The following SNX29 variants were observed in gnomAD, a reference collection of about 807,000 sequenced individuals.
SNX29 encodes the protein sorting nexin-29.
In SNX29, 78 loss-of-function variants were observed where a neutral mutation model predicts 102.1. The observed-to-expected ratio is 0.76, with a 90% confidence interval of 0.64 to 0.92. The LOEUF is 0.92. SNX29 is among the 40% of genes least tolerant of loss of function. SNX29 has a pLI of 0.00. For missense variants in SNX29, 1,280 were observed against 1,061.7 expected (o/e 1.21, Z -2.86); for synonymous variants, 580 against 414.5 (o/e 1.40, Z -4.85).
At chr16:12,554,317 A>C (rs2141380541) in intron 20 of SNX29, among the ~76,000 whole-genome samples, 1 of 152,324 alleles carries the variant, frequency 6.6e-6, no homozygotes, top group Admixed American at 6.5e-5. Context: ...GTTTTAACTA[A>C]AATGGGACCA....
intron 18 of SNX29, 86 bp downstream of exon 18, chr16:12,403,615 G>A: frequency 7.7e-7 from 1 of 1,305,420 alleles, no homozygotes; most frequent in Non-Finnish European, 1.1e-6. Context: ...CCTCTTGGTG[G>A]TGGGGCGCTA....
At chr16:12,341,543 T>C (rs142922462) in intron 15 of SNX29, among the ~76,000 whole-genome samples, 2 of 152,366 alleles carry the variant, frequency 1.3e-5, no homozygotes, top group Non-Finnish European at 2.9e-5. Context: ...TTATTTCCTG[T>C]TCGTATGTGT....
At chr16:12,568,235 A>C (rs1043719817) in intron 20 of SNX29, among the ~76,000 whole-genome samples, 1 of 150,344 alleles carries the variant, frequency 6.7e-6, no homozygotes, top group Non-Finnish European at 1.5e-5. Flanking sequence ...TAAAATGTAG[A>C]CCGGAACGGT....
intron 18 of SNX29, among the ~76,000 whole-genome samples, chr16:12,459,203 G>A (rs1415241527): frequency 6.9e-6 from 1 of 144,984 alleles, no homozygotes; most frequent in Non-Finnish European, 1.5e-5. Flanking sequence ...CTTAGGTTCT[G>A]CGTCTCTGTA....
intron 19 of SNX29, among the ~76,000 whole-genome samples, chr16:12,514,944 GAAAGAAA>G (rs762046155): frequency 4.0e-5 from 6 of 150,836 alleles, no homozygotes; most frequent in Admixed American, 1.3e-4. Flanking sequence ...AAGAAAGAGA[GAAAGAAA>G]GAAAAAAGCC....
chr16:12,388,469 A>T (rs1212615584), intron 16 of SNX29, among the ~76,000 whole-genome samples: 1 of 152,222 alleles, frequency 6.6e-6, no homozygotes, highest in South Asian at 2.1e-4. Context: ...CTCCCTACCT[A>T]GACAAATGAG....
chr16:12,049,502 T>C (rs1270839618), intron 7 of SNX29, among the ~76,000 whole-genome samples: 1 of 152,066 alleles, frequency 6.6e-6, no homozygotes, highest in African/African-American at 2.4e-5. Flanking sequence ...GTGGTTTCTT[T>C]TTGTATTTTT....
At position 12,512,369 on chromosome 16, in the gene SNX29, AATATATATATATATATATATATATAT is replaced by A. The variant is rs58157322; in HGVS notation, c.2179-12309_2179-12284del. 5.7e-4 allele frequency among the ~76,000 whole-genome samples: 25 copies of A among 43,938 alleles called. 1 individual carries two copies. The highest frequency in any genetic ancestry group is 0.013 in the Middle Eastern group (1 of 76). The allele number at this position is 43,938 out of a possible 152,430, so 28.8% of individuals were successfully genotyped here. On this transcript the variant is annotated intron_variant, in intron 19 of 20. Transcript: ENST00000566228. ...CGTCCATCATGGAAGGCCCAGGGAAAATATATATATATATATATATATATATATATATATATATATATATATATAGT... is the reference window on the plus strand; with the variant it reads ...CGTCCATCATGGAAGGCCCAGGGAAAATATATATATATATATATATATAGT...
intron 18 of SNX29, among the ~76,000 whole-genome samples, chr16:12,470,871 T>G (rs2087304153): frequency 6.6e-6 from 1 of 152,228 alleles, no homozygotes; most frequent in Non-Finnish European, 1.5e-5. Context: ...CATTGCTTAT[T>G]GCCTGCCAGG....
At position 12,485,116 on chromosome 16, in the gene SNX29, T is replaced by A. The variant is rs1344598014; in HGVS notation, c.2178+7257T>A. Reference sequence around the variant, plus strand: ...ATTCCAAAAGTGAGTACATAAACTTTCAAGGTGACTCGGGAGGTTGTTCTC... The same window carrying A: ...ATTCCAAAAGTGAGTACATAAACTTACAAGGTGACTCGGGAGGTTGTTCTC... On this transcript the variant is annotated intron_variant, in intron 19 of 20. Coordinates refer to ENST00000566228, the MANE Select transcript of SNX29 (RefSeq NM_032167.5). Among the ~76,000 whole-genome samples the A allele has an allele frequency of 2.0e-5, 3 of 152,236 alleles. No homozygotes were observed. In the East Asian group the frequency reaches 5.8e-4, roughly 29 times the overall value.
intron 3 of SNX29, among the ~76,000 whole-genome samples, chr16:12,023,493 G>A (rs1188123680): frequency 2.7e-5 from 4 of 149,742 alleles, no homozygotes; most frequent in South Asian, 4.2e-4. Context: ...TGGGAGGATC[G>A]TTTGAGCCTG....
intron 13 of SNX29, among the ~76,000 whole-genome samples, chr16:12,196,846 C>G (rs1039364518): frequency 1.3e-5 from 2 of 152,176 alleles, no homozygotes; most frequent in African/African-American, 4.8e-5. Flanking sequence ...ATCTCAAACT[C>G]TTGGCCTCAC....
intron 1 of SNX29, among the ~76,000 whole-genome samples, chr16:11,981,355 C>T (rs1388063308): frequency 2.0e-5 from 3 of 152,064 alleles, no homozygotes; most frequent in African/African-American, 7.2e-5. Flanking sequence ...CTGCCTGCCT[C>T]AGCCTCCCAA....
At chr16:12,131,563 C>T (rs1168334796) in intron 13 of SNX29, among the ~76,000 whole-genome samples, 2 of 152,146 alleles carry the variant, frequency 1.3e-5, no homozygotes, top group Admixed American at 6.5e-5. Flanking sequence ...TTAAATTGCC[C>T]ATTCCAGATT....
chr16:12,449,029 C>G (rs1257243925), intron 18 of SNX29, among the ~76,000 whole-genome samples: 1 of 152,084 alleles, frequency 6.6e-6, no homozygotes, highest in Non-Finnish European at 1.5e-5. Flanking sequence ...TTTCAACGTA[C>G]ATGTACTACG....
At chr16:11,992,118 G>T (rs1258807726) in intron 1 of SNX29, among the ~76,000 whole-genome samples, 1 of 152,034 alleles carries the variant, frequency 6.6e-6, no homozygotes, top group Non-Finnish European at 1.5e-5. Context: ...AACATAGCGA[G>T]ACCCTGTCTT....
At chr16:12,223,914 C>T (rs1220690693) in intron 14 of SNX29, among the ~76,000 whole-genome samples, 1 of 152,156 alleles carries the variant, frequency 6.6e-6, no homozygotes, top group Non-Finnish European at 1.5e-5. Flanking sequence ...GATCCTTATC[C>T]TGTTGGACAT....
chr16:12,336,653 G>A (rs895963079), intron 15 of SNX29, among the ~76,000 whole-genome samples: 9 of 152,156 alleles, frequency 5.9e-5, no homozygotes, highest in African/African-American at 2.2e-4. Context: ...AGGTATGAGA[G>A]AACTCTGTTG....
At chr16:12,489,229 A>C (rs2088412103) in intron 19 of SNX29, among the ~76,000 whole-genome samples, 1 of 152,118 alleles carries the variant, frequency 6.6e-6, no homozygotes. Flanking sequence ...GCAGAAAAAC[A>C]CAAAAAACAA....
Sources: allele counts gnomAD v4.1 joint callset (sites outside exome capture counted in the v4.1 genomes callset), GRCh38; gene constraint gnomAD v4.1.1; transcripts MANE v1.5; gene names NCBI Gene and HGNC (gene_info 2026-07-23, HGNC 2026-07-21).